AGBL1: variants seen among roughly 807,000 people sequenced by gnomAD.
AGBL1 encodes the protein AGBL carboxypeptidase 1.
In AGBL1, 130 loss-of-function variants were observed where a neutral mutation model predicts 118.9. The ratio of observed to expected loss-of-function variants is 1.09; its 90% CI spans 0.95 to 1.26. The LOEUF is 1.26. Ranked by LOEUF, AGBL1 falls within the 50% of genes most tolerant of loss-of-function variation. The probability of loss-of-function intolerance (pLI) is 0.00; values close to 1 mark genes in which losing one functional copy is unlikely to be tolerated. For missense variants in AGBL1, 1,584 were observed against 1,298.1 expected (o/e 1.22, Z -3.38); for synonymous variants, 555 against 478.9 (o/e 1.16, Z -2.08).
rs774762425 is a variant in AGBL1, at chr15:86,912,103, C to T, written c.*4809C>T. The T allele has an allele frequency of 1.3e-5, 2 of 152,108 alleles. No individual in the cohort carries two copies. The highest frequency in any genetic ancestry group is 4.8e-5 in the African/African-American group (2 of 41,402). 9.4% of individuals were successfully genotyped at this position (152,108 alleles called of 1,614,324 possible). On this transcript the variant is annotated 3_prime_UTR_variant, in exon 23 of 23. Coordinates refer to ENST00000614907, the MANE Select transcript of AGBL1 (RefSeq NM_001386094.1). ...CTCACTTATTTTCCTTAAATCCCTC[C>T]GTTTTCCATCTCAAAGAAGAGTTTG... is the stretch of plus-strand genomic sequence containing the variant.
At chr15:86,926,177 T>C (rs573704310) in intron 23 of AGBL1, among the ~76,000 whole-genome samples, 1 of 152,338 alleles carries the variant, frequency 6.6e-6, no homozygotes, top group South Asian at 2.1e-4. Flanking sequence ...TTTCTTCTCT[T>C]TAGGTCTGTA....
At chr15:86,397,960 T>C (rs563902141) in intron 18 of AGBL1, among the ~76,000 whole-genome samples, 1 of 152,256 alleles carries the variant, frequency 6.6e-6, no homozygotes, top group South Asian at 2.1e-4. Context: ...CCAAATCACA[T>C]GGTGGGTTAA....
intron 2 of AGBL1, among the ~76,000 whole-genome samples, chr15:86,143,464 C>A (rs1030142782): frequency 7.9e-5 from 12 of 152,214 alleles, no homozygotes; most frequent in Non-Finnish European, 1.6e-4. Context: ...TTTATTACAG[C>A]TGTTGCAGCT....
At chr15:86,361,652 A>G (rs896196522) in intron 17 of AGBL1, among the ~76,000 whole-genome samples, 2 of 151,994 alleles carry the variant, frequency 1.3e-5, no homozygotes, top group African/African-American at 4.8e-5. Flanking sequence ...ATGTAATTTT[A>G]ATTGTTTTAT....
At chr15:86,103,934 A>T (rs1034791390) in intron 1 of AGBL1, among the ~76,000 whole-genome samples, 4 of 151,976 alleles carry the variant, frequency 2.6e-5, no homozygotes, top group Admixed American at 6.6e-5. Context: ...GGCATGAGTA[A>T]TGGCAGTAGC....
At chr15:86,457,770 CA>C (rs1669512181) in intron 18 of AGBL1, among the ~76,000 whole-genome samples, 3 of 152,050 alleles carry the variant, frequency 2.0e-5, no homozygotes, top group Admixed American at 2.0e-4. Context: ...TCCACTTTGA[CA>C]AAGTTAAAGA....
intron 22 of AGBL1, among the ~76,000 whole-genome samples, chr15:86,721,904 CA>C (rs201929215): frequency 0.013 from 1,936 of 152,260 alleles, 47 homozygotes; most frequent in East Asian, 0.088. Context: ...CTCCCATTCA[CA>C]ATTGCTTCAA....
intron 23 of AGBL1, among the ~76,000 whole-genome samples, chr15:86,927,304 T>A (rs1393857347): frequency 1.3e-5 from 2 of 151,992 alleles, no homozygotes; most frequent in African/African-American, 4.8e-5. Flanking sequence ...GAAAGTTATT[T>A]TAGGCCAGGT....
chr15:86,200,914 C>T (rs970956189), intron 5 of AGBL1, among the ~76,000 whole-genome samples: 1 of 151,924 alleles, frequency 6.6e-6, no homozygotes, highest in Admixed American at 6.6e-5. Context: ...CTGTGCCTGG[C>T]GAGGAATCAT....
intron 1 of AGBL1, among the ~76,000 whole-genome samples, chr15:86,135,631 A>G (rs1015674605): frequency 1.3e-5 from 2 of 152,158 alleles, no homozygotes; most frequent in Admixed American, 6.5e-5. Flanking sequence ...CTGAATGCCT[A>G]CTGTGTGAAA....
At position 86,427,568 on chromosome 15, in the gene AGBL1, AAAG is replaced by A. The variant is rs200304020; in HGVS notation, c.2555+30023_2555+30025del. Among the ~76,000 whole-genome samples the A allele has an allele frequency of 6.5e-3, 985 of 152,186 alleles. 15 individuals are homozygous for A. The highest frequency in any genetic ancestry group is 0.021 in the African/African-American group (865 of 41,482). ...TTAGTGCATGGTTACAAAAAAAAAA[AAAG>A]GACACCTATTGGCATTTAGCAAGGT... On this transcript the variant is annotated intron_variant, in intron 18 of 22. Transcript: ENST00000614907.
intron 21 of AGBL1, among the ~76,000 whole-genome samples, chr15:86,657,017 T>A (rs919439288): frequency 2.0e-5 from 3 of 152,214 alleles, no homozygotes; most frequent in Non-Finnish European, 2.9e-5. Context: ...TCAGCCATGT[T>A]GGTTCTCTGG....
intron 17 of AGBL1, among the ~76,000 whole-genome samples, chr15:86,377,984 T>G (rs1332014422): frequency 6.6e-6 from 1 of 152,138 alleles, no homozygotes; most frequent in Non-Finnish European, 1.5e-5. Flanking sequence ...AGGAAAAAAA[T>G]AGATTGTAAT....
chr15:86,953,449 G>A (rs1331466618), intron 23 of AGBL1, among the ~76,000 whole-genome samples: 1 of 149,492 alleles, frequency 6.7e-6, no homozygotes, highest in Admixed American at 6.7e-5. Context: ...GGAGTGCAGT[G>A]GTGTGATATT....
chr15:86,195,979 C>T (rs762248916), intron 5 of AGBL1, among the ~76,000 whole-genome samples: 2 of 152,036 alleles, frequency 1.3e-5, no homozygotes, highest in Non-Finnish European at 1.5e-5. Flanking sequence ...AAAAAGATTT[C>T]GTGGTCAAAT....
chr15:87,022,435 G>A (rs1366163322), intron 24 of AGBL1, among the ~76,000 whole-genome samples: 1 of 152,056 alleles, frequency 6.6e-6, no homozygotes, highest in African/African-American at 2.4e-5. Flanking sequence ...TATGAATAAA[G>A]CCTCCAAGAA....
chr15:86,832,134 T>C (rs2079113434), intron 22 of AGBL1, among the ~76,000 whole-genome samples: 1 of 152,198 alleles, frequency 6.6e-6, no homozygotes, highest in African/African-American at 2.4e-5. Flanking sequence ...AGCAGGGCAC[T>C]GGGCCAGGCC....
chr15:86,455,387 C>T lies in AGBL1; in HGVS notation c.2555+57841C>T, dbSNP rs542202434. Among the ~76,000 whole-genome samples the T allele has an allele frequency of 1.5e-3, 221 of 152,170 alleles. 7 individuals are homozygous for T. In the South Asian group the frequency reaches 0.044, roughly 30 times the overall value. On this transcript the variant is annotated intron_variant, in intron 18 of 22. Coordinates refer to ENST00000614907, the MANE Select transcript of AGBL1 (RefSeq NM_001386094.1). The stretch of plus-strand genomic sequence containing the variant: ...TCTAAGAGTTTTCAAAGCTATTTTT[C>T]GAGCCCAGGTCTCTAGCATCAGGCT...
rs567281649 is a variant in AGBL1, at chr15:86,836,853, C to T, written c.3159-70234C>T. Among the ~76,000 whole-genome samples, 9 of 152,282 alleles carry T rather than the reference C, an allele frequency of 5.9e-5. No homozygotes were observed. In the South Asian group the frequency reaches 1.9e-3, roughly 32 times the overall value. On this transcript the variant is annotated intron_variant, in intron 22 of 22. Coordinates refer to ENST00000614907, the MANE Select transcript of AGBL1 (RefSeq NM_001386094.1). ...AACTTCCCAGATAGTAGTAGCCATT[C>T]CTGCTATGTCTTGTCCCTGTAACAT...
Sources: gnomAD v4.1 joint callset for allele counts (sites outside exome capture counted in the v4.1 genomes callset) on GRCh38, gnomAD v4.1.1 for gene constraint, MANE v1.5 for transcripts, NCBI Gene and HGNC (gene_info 2026-07-23, HGNC 2026-07-21) for gene names.